BPIFB4: variants seen among roughly 807,000 people sequenced by gnomAD.
BPIFB4 encodes BPI fold containing family B member 4.
BPIFB4 carries 62 observed loss-of-function variants against 69.2 expected under a neutral mutation model. The ratio of observed to expected loss-of-function variants is 0.90; its 90% CI spans 0.73 to 1.11. The LOEUF is 1.11. BPIFB4 is among the 50% of genes least tolerant of loss of function. BPIFB4 has a pLI of 0.00. For synonymous variants in BPIFB4, 330 were observed against 332.7 expected, an observed-to-expected ratio of 0.99 and a Z score of 0.09; for missense variants, 789 against 792.0, an observed-to-expected ratio of 1.00 and a Z score of 0.04.
At chr20:33,091,008 G>C (rs1357107520) in intron 10 of BPIFB4, among the ~76,000 whole-genome samples, 1 of 152,216 alleles carries the variant, frequency 6.6e-6, no homozygotes, top group Non-Finnish European at 1.5e-5. Flanking sequence ...GGCACATTCT[G>C]TGTGCTTTGT....
At position 33,111,362 on chromosome 20, in the gene BPIFB4, T is replaced by C. The variant is rs1277172200; in HGVS notation, c.1822-52T>C. The C allele has an allele frequency of 1.1e-5, 18 of 1,612,276 alleles. No individual in the cohort carries two copies. The East Asian group carries it at 3.3e-4, about 30-fold the overall frequency. On this transcript the variant is annotated intron_variant, in intron 17 of 17. Transcript: ENST00000375483. ...TCCGTAGGCAGGTGAGTAGCAAGGC[T>C]CTAGCCAGAGCCACCCCACCCATCA...
chr20:33,094,667 C>T (rs573800555), intron 11 of BPIFB4, among the ~76,000 whole-genome samples: 7 of 152,066 alleles, frequency 4.6e-5, no homozygotes, highest in South Asian at 4.2e-4. Flanking sequence ...CCATCATGCC[C>T]GGCTAATTTT....
At chr20:33,107,221 A>G (rs28650850) in intron 16 of BPIFB4, among the ~76,000 whole-genome samples, 8 of 142,412 alleles carry the variant, frequency 5.6e-5, no homozygotes, top group Admixed American at 2.2e-4. Flanking sequence ...AATGAAAGAA[A>G]GAAGGAAGGA....
At chr20:33,108,549 T>C (rs1276418709) in intron 17 of BPIFB4, among the ~76,000 whole-genome samples, 3 of 151,774 alleles carry the variant, frequency 2.0e-5, no homozygotes, top group Non-Finnish European at 2.9e-5. Context: ...CAGTAGAGCA[T>C]TGGGGTTAAA....
chr20:33,088,356 A>T (rs973062789), intron 7 of BPIFB4, among the ~76,000 whole-genome samples: 58 of 141,786 alleles, frequency 4.1e-4, no homozygotes, highest in African/African-American at 1.2e-3. Flanking sequence ...AAAAAAAAAA[A>T]GAAAAGAAAA....
At chr20:33,108,824 T>C (rs1023070801) in intron 17 of BPIFB4, among the ~76,000 whole-genome samples, 2 of 152,230 alleles carry the variant, frequency 1.3e-5, no homozygotes, top group African/African-American at 4.8e-5. Flanking sequence ...AACATCTCAA[T>C]GCATAAACTG....
Position 33,100,465 on chromosome 20 carries a change from A to G in BPIFB4, c.1609A>G (p.Lys537Glu), listed in dbSNP as rs1600561600. The change falls in exon 14 of 18, where the codon AAG becomes GAG. Residue 537 changes from lysine to glutamate, a missense_variant. Coordinates refer to ENST00000375483, the MANE Select transcript of BPIFB4 (RefSeq NM_182519.3). ...GGCCTCATTTTCCACAGAAGGAGAT[A>G]AGCTCATGATTGATGCCAAGCTGGA... Reference protein sequence around the residue: ...FLASFSTEGDKLMIDAKLEKT... With the variant: ...FLASFSTEGDELMIDAKLEKT... 3.1e-6 allele frequency: 5 copies of G among 1,608,142 alleles called. No individual in the cohort carries two copies. Among genetic ancestry groups the G allele is most frequent in the Non-Finnish European group, 3.4e-6 (4 of 1,174,536 alleles).
intron 14 of BPIFB4, among the ~76,000 whole-genome samples, chr20:33,102,739 TG>T (rs1272174189): frequency 6.6e-6 from 1 of 152,200 alleles, no homozygotes; most frequent in African/African-American, 2.4e-5. Flanking sequence ...AGCTAGTAGG[TG>T]GCAAAGCTAT....
Position 33,092,823 on chromosome 20 carries a change from C to G in BPIFB4, c.1344+165C>G, listed in dbSNP as rs150808361. Among the ~76,000 whole-genome samples the G allele has an allele frequency of 1.6e-3, 237 of 152,356 alleles. 1 individual carries two copies. The highest frequency in any genetic ancestry group is 5.5e-3 in the African/African-American group (229 of 41,584). On this transcript the variant is annotated intron_variant, in intron 11 of 17. Coordinates refer to ENST00000375483, the MANE Select transcript of BPIFB4 (RefSeq NM_182519.3). ...TGGGTGTGCGTCAATTACGTCAGTACTTGCCAAAGTGGTGCTTGGGAGGAT... is the reference window on the plus strand; with the variant it reads ...TGGGTGTGCGTCAATTACGTCAGTAGTTGCCAAAGTGGTGCTTGGGAGGAT...
intron 16 of BPIFB4, 56 bp from the exon 17 acceptor site, chr20:33,107,688 G>A: frequency 7.4e-7 from 1 of 1,358,870 alleles, no homozygotes; most frequent in Non-Finnish European, 1.1e-6. Flanking sequence ...GCGGCTTCTG[G>A]TGAGACCAAC....
chr20:33,096,312 G>A (rs961960054), intron 12 of BPIFB4, among the ~76,000 whole-genome samples: 2 of 152,090 alleles, frequency 1.3e-5, no homozygotes, highest in East Asian at 1.9e-4. Context: ...GTCTTGCTGC[G>A]TTGCCTAGGC....
chr20:33,092,286 T>C (rs1981621751), intron 10 of BPIFB4, among the ~76,000 whole-genome samples, 172 bp from the exon 11 acceptor site: 2 of 152,202 alleles, frequency 1.3e-5, no homozygotes, highest in Non-Finnish European at 2.9e-5. Flanking sequence ...AAGGTTCCAC[T>C]GCATCATAAA....
chr20:33,085,255 G>T (rs2070322), intron 6 of BPIFB4, among the ~76,000 whole-genome samples: 61,805 of 151,914 alleles, frequency 0.41, 13,156 homozygotes, highest in East Asian at 0.78. Context: ...AGGAGTTCGA[G>T]ACCAGCCTGG....
chr20:33,086,230 A>T, intron 7 of BPIFB4, 66 bp downstream of exon 7: 2 of 1,557,114 alleles, frequency 1.3e-6, no homozygotes, highest in Non-Finnish European at 1.8e-6. Context: ...GGCAAACAAC[A>T]TGACGTCACC....
intron 14 of BPIFB4, 152 bp downstream of exon 14, chr20:33,100,645 CA>C: frequency 1.5e-6 from 1 of 647,904 alleles, no homozygotes; most frequent in African/African-American, 1.8e-5. Flanking sequence ...CTACCATTAC[CA>C]CTGTCACAAG....
intron 16 of BPIFB4, among the ~76,000 whole-genome samples, chr20:33,107,440 A>AAAAC (rs372129659): frequency 6.6e-6 from 1 of 151,776 alleles, no homozygotes; most frequent in Non-Finnish European, 1.5e-5. Flanking sequence ...TAAAACAAAC[A>AAAAC]AAACAAACAA....
chr20:33,082,935 C>T lies in BPIFB4; in HGVS notation c.107-3C>T. On this transcript the variant is annotated splice_polypyrimidine_tract_variant and splice_region_variant and intron_variant, in intron 3 of 17. Coordinates refer to ENST00000375483, the MANE Select transcript of BPIFB4 (RefSeq NM_182519.3). ...CTGGACTGATGCCCTTGCCTCTCTG[C>T]AGCCATTTCAGGCATGCTGCAGCAA... 1.9e-6 allele frequency: 3 copies of T among 1,613,086 alleles called. No homozygotes were observed. The highest frequency in any genetic ancestry group is 2.5e-6 in the Non-Finnish European group (3 of 1,179,274).
rs772743997 is a variant in BPIFB4, at chr20:33,092,519, C to T, written c.1205C>T (p.Ser402Phe). 4.3e-6 allele frequency: 7 copies of T among 1,614,156 alleles called. No homozygotes were observed. Among genetic ancestry groups the T allele is most frequent in the Non-Finnish European group, 5.9e-6 (7 of 1,180,040 alleles). ...TACCCATTGGGGTGGCCAGCTGTGTCTCCCAAGCCGATGCCAGAGCTGCCT... is the reference window on the plus strand; with the variant it reads ...TACCCATTGGGGTGGCCAGCTGTGTTTCCCAAGCCGATGCCAGAGCTGCCT... ...IDYPLGWPAV[S>F]PKPMPELPPM... The change falls in exon 11 of 18, where the codon TCT becomes TTT. Residue 402 changes from serine to phenylalanine, a missense_variant. Physicochemically the swap from Ser to Phe is radical, Grantham distance 155 (BLOSUM62 -2). Coordinates refer to ENST00000375483, the MANE Select transcript of BPIFB4 (RefSeq NM_182519.3).
At chr20:33,082,461 G>A (rs1038211102) in intron 3 of BPIFB4, among the ~76,000 whole-genome samples, 2 of 152,132 alleles carry the variant, frequency 1.3e-5, no homozygotes, top group African/African-American at 4.8e-5. Flanking sequence ...AGCCTCCTGA[G>A]TAGCTGGGAT....
Sources: allele counts gnomAD v4.1 joint callset (sites outside exome capture counted in the v4.1 genomes callset), GRCh38; gene constraint gnomAD v4.1.1; transcripts MANE v1.5; gene names NCBI Gene and HGNC (gene_info 2026-07-23, HGNC 2026-07-21).